PTCHD4: variants seen among roughly 807,000 people sequenced by gnomAD.
The protein encoded by PTCHD4 is patched domain containing 4.
In PTCHD4, 33 loss-of-function variants were observed where a neutral mutation model predicts 58.1. The ratio of observed to expected loss-of-function variants is 0.57; its 90% CI spans 0.43 to 0.76. The LOEUF (loss-of-function observed/expected upper bound fraction) is 0.76, where lower values mean the gene tolerates loss of function less well. PTCHD4 is among the 30% of genes least tolerant of loss of function. The probability of loss-of-function intolerance (pLI) is 0.00; values close to 1 mark genes in which losing one functional copy is unlikely to be tolerated. For missense variants in PTCHD4, 1,058 were observed against 1,027.1 expected (o/e 1.03, Z -0.41); for synonymous variants, 478 against 409.6 (o/e 1.17, Z -2.02).
chr6:48,085,780 A>T (rs1038059741), intron 1 of PTCHD4, among the ~76,000 whole-genome samples: 1 of 152,166 alleles, frequency 6.6e-6, no homozygotes, highest in Non-Finnish European at 1.5e-5. Flanking sequence ...TCATGATAAG[A>T]TATTCCATTT....
intron 3 of PTCHD4, among the ~76,000 whole-genome samples, chr6:48,039,420 C>T (rs1763763534): frequency 6.6e-6 from 1 of 152,014 alleles, no homozygotes; most frequent in Non-Finnish European, 1.5e-5. Context: ...TCACTAAAGT[C>T]ATACTTCCTT....
At position 48,059,882 on chromosome 6, in the gene PTCHD4, C is replaced by G. The variant is rs566770340; in HGVS notation, c.417+8348G>C. On this transcript the variant is annotated intron_variant, in intron 3 of 4. Coordinates refer to ENST00000339488, the MANE Select transcript of PTCHD4 (RefSeq NM_001384253.1). ...TTATTGTCTCTACCATTAACCCACC[C>G]CTGTGTGTTAACTCCCTCTCACCCG... is the stretch of plus-strand genomic sequence containing the variant. Among the ~76,000 whole-genome samples, 5 of 152,284 alleles carry G rather than the reference C, an allele frequency of 3.3e-5. No homozygotes were observed. The East Asian group carries it at 9.7e-4, about 29-fold the overall frequency.
chr6:47,894,910 T>C (rs934700423), intron 4 of PTCHD4, among the ~76,000 whole-genome samples: 2 of 152,174 alleles, frequency 1.3e-5, no homozygotes, highest in Non-Finnish European at 2.9e-5. Flanking sequence ...GGCAGGTGGA[T>C]CATCTGAGGT....
chr6:48,023,364 T>C lies in PTCHD4; in HGVS notation c.418-14250A>G, dbSNP rs139801432. Among the ~76,000 whole-genome samples the C allele has an allele frequency of 3.7e-3, 562 of 152,292 alleles. 6 individuals carry two copies. The highest frequency in any genetic ancestry group is 0.013 in the African/African-American group (536 of 41,568). ...AAAAGGTTTTGACAATTGATTTACT[T>C]AGATTTTTATGCAATAGAGAAAAAT... On this transcript the variant is annotated intron_variant, in intron 3 of 4. Coordinates refer to ENST00000339488, the MANE Select transcript of PTCHD4 (RefSeq NM_001384253.1).
chr6:48,075,528 C>T (rs982310384), intron 1 of PTCHD4, among the ~76,000 whole-genome samples: 1 of 148,964 alleles, frequency 6.7e-6, no homozygotes, highest in Non-Finnish European at 1.5e-5. Flanking sequence ...TGTCAATAAA[C>T]CTTAGATTCA....
chr6:47,977,171 T>C (rs957886744), intron 4 of PTCHD4, among the ~76,000 whole-genome samples: 4 of 152,146 alleles, frequency 2.6e-5, no homozygotes, highest in Non-Finnish European at 5.9e-5. Flanking sequence ...ATATATAAGG[T>C]GAGCAGGCTT....
At chr6:47,985,765 A>G (rs1169968148) in intron 4 of PTCHD4, among the ~76,000 whole-genome samples, 1 of 150,692 alleles carries the variant, frequency 6.6e-6, no homozygotes, top group Non-Finnish European at 1.5e-5. Flanking sequence ...TTTTTTTTCA[A>G]TATCCATGGA....
chr6:48,093,401 T>A (rs1765403756), intron 1 of PTCHD4, among the ~76,000 whole-genome samples: 1 of 152,184 alleles, frequency 6.6e-6, no homozygotes, highest in African/African-American at 2.4e-5. Context: ...TTAAACTTTT[T>A]AAATTTTATT....
At chr6:47,919,223 G>C (rs181584020) in intron 4 of PTCHD4, among the ~76,000 whole-genome samples, 27 of 152,220 alleles carry the variant, frequency 1.8e-4, no homozygotes, top group Admixed American at 1.4e-3. Flanking sequence ...TCAACAAATT[G>C]AATTGATATT....
At position 47,858,170 on chromosome 6, in the gene PTCHD4, T is replaced by A. The variant is rs562115359; in HGVS notation, c.*20133A>T. Among the ~76,000 whole-genome samples the A allele has an allele frequency of 6.6e-6, 1 of 152,128 alleles. No individual in the cohort carries two copies. The highest frequency in any genetic ancestry group is 2.1e-4 in the South Asian group (1 of 4,824). On this transcript the variant is annotated 3_prime_UTR_variant, in exon 5 of 5. Transcript: ENST00000339488. The stretch of plus-strand genomic sequence containing the variant: ...ATAGCAAGTGAGAGCTCTGAATGAA[T>A]ACTCCAGCAATTATAGGAGAGGGAA...
intron 4 of PTCHD4, among the ~76,000 whole-genome samples, chr6:47,950,973 T>A (rs1041473049): frequency 2.6e-5 from 4 of 152,154 alleles, no homozygotes; most frequent in African/African-American, 9.7e-5. Context: ...TTGGTGACCT[T>A]GTCACTAATG....
At chr6:47,991,996 A>G (rs113376094) in intron 4 of PTCHD4, among the ~76,000 whole-genome samples, 3,962 of 152,200 alleles carry the variant, frequency 0.026, 81 homozygotes, top group South Asian at 0.081. Context: ...TGAAGGAACT[A>G]AAGGGACTAA....
intron 3 of PTCHD4, among the ~76,000 whole-genome samples, chr6:48,027,080 T>C (rs1264886606): frequency 6.6e-6 from 1 of 152,168 alleles, no homozygotes; most frequent in East Asian, 1.9e-4. Flanking sequence ...TTTACATCTG[T>C]CTATATGTTT....
At chr6:47,943,806 C>G (rs554704610) in intron 4 of PTCHD4, among the ~76,000 whole-genome samples, 2 of 151,962 alleles carry the variant, frequency 1.3e-5, no homozygotes, top group African/African-American at 4.8e-5. Context: ...TTAGTATAAT[C>G]GAAAATCAGG....
At chr6:47,999,079 A>G (rs141261434) in intron 4 of PTCHD4, among the ~76,000 whole-genome samples, 1 of 152,328 alleles carries the variant, frequency 6.6e-6, no homozygotes, top group East Asian at 1.9e-4. Flanking sequence ...AGTGAGTCAA[A>G]ACTCTAGAAA....
chr6:47,952,378 G>A (rs768993289), intron 4 of PTCHD4, among the ~76,000 whole-genome samples: 1 of 152,064 alleles, frequency 6.6e-6, no homozygotes, highest in Non-Finnish European at 1.5e-5. Flanking sequence ...CAAAAGTTAT[G>A]AGTTCCTTCA....
chr6:47,874,997 G>A lies in PTCHD4; in HGVS notation c.*3306C>T, dbSNP rs1379518547. On this transcript the variant is annotated 3_prime_UTR_variant, in exon 5 of 5. Transcript: ENST00000339488. ...GTTTATTAACATCAAAGAGAGTGGA[G>A]CTCACATGGCACTTTCCAATTCAAA... 6.6e-6 allele frequency among the ~76,000 whole-genome samples: 1 copy of A among 151,758 alleles called. No individual in the cohort carries two copies. Among genetic ancestry groups the A allele is most frequent in the Non-Finnish European group, 1.5e-5 (1 of 67,850 alleles).
At chr6:47,988,330 A>T (rs1446882444) in intron 4 of PTCHD4, among the ~76,000 whole-genome samples, 1 of 152,206 alleles carries the variant, frequency 6.6e-6, no homozygotes, top group Non-Finnish European at 1.5e-5. Context: ...AAACACCCAT[A>T]CAATTTTTTG....
chr6:47,969,328 T>C (rs1767414220), intron 4 of PTCHD4, among the ~76,000 whole-genome samples: 1 of 152,264 alleles, frequency 6.6e-6, no homozygotes, highest in Admixed American at 6.5e-5. Flanking sequence ...AACAAACCTA[T>C]CAAGCGTGCA....
Sources: gnomAD v4.1 joint callset for allele counts (sites outside exome capture counted in the v4.1 genomes callset) on GRCh38, gnomAD v4.1.1 for gene constraint, MANE v1.5 for transcripts, NCBI Gene and HGNC (gene_info 2026-07-23, HGNC 2026-07-21) for gene names.